The following ANKS1B variants were observed in gnomAD, a reference collection of about 807,000 sequenced individuals.
ANKS1B encodes ankyrin repeat and sterile alpha motif domain containing 1B, also known as ankyrin repeat and sterile alpha motif domain-containing protein 1B.
ANKS1B carries 36 observed loss-of-function variants against 148.3 expected under a neutral mutation model. That is an observed-to-expected ratio of 0.24 (90% confidence interval 0.19 to 0.32). ANKS1B has a LOEUF of 0.32. Among genes scored for constraint, ANKS1B ranks in the 10% least tolerant of loss-of-function variants. ANKS1B has a pLI of 1.00. For synonymous variants in ANKS1B, 542 were observed against 560.8 expected (o/e 0.97, Z 0.47); for missense variants, 1,157 against 1,542.6 (o/e 0.75, Z 4.19).
At chr12:99,400,606 T>C (rs1358070879) in intron 11 of ANKS1B, among the ~76,000 whole-genome samples, 2 of 144,932 alleles carry the variant, frequency 1.4e-5, no homozygotes, top group Admixed American at 6.9e-5. Flanking sequence ...AACATTGTCC[T>C]TCAGAAAAAC....
At chr12:98,796,050 T>C (rs1262094439) in intron 22 of ANKS1B, among the ~76,000 whole-genome samples, 2 of 152,202 alleles carry the variant, frequency 1.3e-5, no homozygotes, top group South Asian at 2.1e-4. Context: ...TATGATCCCT[T>C]AGGCTGATGG....
Position 98,751,663 on chromosome 12 carries a change from T to G in ANKS1B, c.3580-141A>C, listed in dbSNP as rs995633089. ...AGGCAGCAGCGATTCGGTGGAAATC[T>G]ACAAAGAACAGGACACTCCGGGTCC... On this transcript the variant is annotated intron_variant, in intron 25 of 26. Transcript: ENST00000683438. This position sits in a 1 kb window ranked among gnomAD's most constrained non-coding sequence, Gnocchi z 4.3. 9.2e-5 allele frequency: 75 copies of G among 810,888 alleles called. No homozygotes were observed. The highest frequency in any genetic ancestry group is 1.5e-4 in the Non-Finnish European group (72 of 495,734). 50.2% of individuals were successfully genotyped at this position (810,888 alleles called of 1,614,324 possible). A position where few individuals can be genotyped will look rare whatever the true frequency, so the allele number is the denominator to read the frequency against.
At chr12:99,812,511 CCACACACACACACACACA>C (rs10539640) in intron 2 of ANKS1B, among the ~76,000 whole-genome samples, 200 bp from the exon 3 acceptor site, 2,629 of 126,082 alleles carry the variant, frequency 0.021, 102 homozygotes, top group East Asian at 0.1. Flanking sequence ...TCACCCCATG[CCACACACACACACACACA>C]CACACACACA....
rs1227325371 is a variant in ANKS1B, at chr12:98,934,680, T to A, written c.2779-102544A>T. 3.9e-5 allele frequency among the ~76,000 whole-genome samples: 6 copies of A among 152,088 alleles called. No homozygotes were observed. In the East Asian group the frequency reaches 7.7e-4, roughly 20 times the overall value. On this transcript the variant is annotated intron_variant, in intron 17 of 26. Transcript: ENST00000683438. Reference sequence around the variant, plus strand: ...TGTAGTTTTCAGTCTGCTTTCAACTTCTTAGTTGAGTTTATTTCTAGATAT... The same window carrying A: ...TGTAGTTTTCAGTCTGCTTTCAACTACTTAGTTGAGTTTATTTCTAGATAT...
rs137881738 is a variant in ANKS1B, at chr12:98,915,597, C to T, written c.2779-83461G>A. On this transcript the variant is annotated intron_variant, in intron 17 of 26. Coordinates refer to ENST00000683438, the MANE Select transcript of ANKS1B (RefSeq NM_001352186.2). The stretch of plus-strand genomic sequence containing the variant: ...CGAACTCCTGATCTCAAGTGATCCA[C>T]CTGCCTTGGCCTCTCATAGTGCTGG... 7.5e-3 allele frequency among the ~76,000 whole-genome samples: 1,147 copies of T among 152,240 alleles called. 15 individuals carry two copies. Among genetic ancestry groups the T allele is most frequent in the African/African-American group, 0.026 (1,098 of 41,536 alleles).
At chr12:99,288,585 C>G (rs1218103915) in intron 12 of ANKS1B, among the ~76,000 whole-genome samples, 1 of 151,874 alleles carries the variant, frequency 6.6e-6, no homozygotes, top group Non-Finnish European at 1.5e-5. Flanking sequence ...AAAGATGAAC[C>G]AATCAAAAAT....
At chr12:98,776,294 C>T (rs1229405344) in intron 24 of ANKS1B, among the ~76,000 whole-genome samples, 2 of 152,176 alleles carry the variant, frequency 1.3e-5, no homozygotes, top group African/African-American at 4.8e-5. Context: ...GGCTTTTCCA[C>T]AAATTAAAAA....
At chr12:98,958,552 T>C (rs1012947058) in intron 17 of ANKS1B, among the ~76,000 whole-genome samples, 1 of 152,250 alleles carries the variant, frequency 6.6e-6, no homozygotes, top group African/African-American at 2.4e-5. Flanking sequence ...TGTGTTTGAT[T>C]ACACATATGT....
chr12:99,718,229 G>A (rs527603559), intron 8 of ANKS1B, among the ~76,000 whole-genome samples: 8 of 152,144 alleles, frequency 5.3e-5, no homozygotes, highest in African/African-American at 1.7e-4. Flanking sequence ...CTCCTTTTTA[G>A]TTATCCCCAC....
intron 10 of ANKS1B, among the ~76,000 whole-genome samples, chr12:99,457,742 A>G (rs954262309): frequency 2.0e-5 from 3 of 152,144 alleles, no homozygotes; most frequent in African/African-American, 7.2e-5. Flanking sequence ...ACCTAAATAT[A>G]CATGCACCTA....
rs114524303 is a variant in ANKS1B at position 99,178,253 on chromosome 12, T to C, written c.2420-23858A>G. 1.1e-3 allele frequency among the ~76,000 whole-genome samples: 169 copies of C among 152,324 alleles called. 1 individual carries two copies. The highest frequency in any genetic ancestry group is 3.8e-3 in the African/African-American group (160 of 41,566). On this transcript the variant is annotated intron_variant, in intron 14 of 26. Transcript: ENST00000683438. ...TTAATTCTTCCTCTTTTTAAAATCA[T>C]GATTATCCATACCCACAGGGGTGTC...
exon 10 of ANKS1B, chr12:98,735,285 T>A (rs1433282718): frequency 5.0e-6 from 2 of 399,580 alleles, no homozygotes; most frequent in Non-Finnish European, 8.8e-6. Context: ...ATATATAATT[T>A]TTTTTTACAT....
intron 9 of ANKS1B, among the ~76,000 whole-genome samples, chr12:99,637,562 C>T (rs2153413508): frequency 1.3e-5 from 2 of 152,248 alleles, no homozygotes; most frequent in Admixed American, 1.3e-4. Context: ...ATCTAATCAG[C>T]TGCCAGTGCA....
At chr12:99,974,558 C>T (rs563710078) in intron 1 of ANKS1B, among the ~76,000 whole-genome samples, 2 of 152,212 alleles carry the variant, frequency 1.3e-5, no homozygotes, top group African/African-American at 2.4e-5. Context: ...CAGTCAAATC[C>T]CTTCCCCTTC....
intron 25 of ANKS1B, among the ~76,000 whole-genome samples, chr12:98,762,199 C>A (rs1287218638): frequency 6.6e-6 from 1 of 152,174 alleles, no homozygotes; most frequent in Non-Finnish European, 1.5e-5. Context: ...GTCCCTGGAT[C>A]ACCTGCATAG....
chr12:98,757,614 C>A lies in ANKS1B; in HGVS notation c.3580-6092G>T, dbSNP rs538771550. ...TGATCACAGTGAGCACTAAGGTGTCCCATCCCATCTGCTGGCTCAAACCAC... is the reference window on the plus strand; with the variant it reads ...TGATCACAGTGAGCACTAAGGTGTCACATCCCATCTGCTGGCTCAAACCAC... On this transcript the variant is annotated intron_variant, in intron 25 of 26. Transcript: ENST00000683438. 2.0e-5 allele frequency among the ~76,000 whole-genome samples: 3 copies of A among 152,238 alleles called. No individual in the cohort carries two copies. In the South Asian group the frequency reaches 6.2e-4, roughly 32 times the overall value.
At chr12:99,177,627 T>A (rs2153837775) in intron 14 of ANKS1B, among the ~76,000 whole-genome samples, 1 of 152,344 alleles carries the variant, frequency 6.6e-6, no homozygotes, top group South Asian at 2.1e-4. Flanking sequence ...CATTAGCACA[T>A]CCCAGCAGAG....
At chr12:98,862,430 G>C (rs913182557) in intron 17 of ANKS1B, among the ~76,000 whole-genome samples, 1 of 152,066 alleles carries the variant, frequency 6.6e-6, no homozygotes, top group Admixed American at 6.6e-5. Context: ...ACAGTGACTG[G>C]AACATAGTGA....
intron 9 of ANKS1B, among the ~76,000 whole-genome samples, chr12:99,518,258 T>C (rs1335345617): frequency 6.6e-6 from 1 of 152,170 alleles, no homozygotes; most frequent in Non-Finnish European, 1.5e-5. Context: ...TCTCTCCTCC[T>C]CTACTTTTTG....
Sources: gnomAD v4.1 joint callset for allele counts (sites outside exome capture counted in the v4.1 genomes callset) on GRCh38, gnomAD v4.1.1 for gene constraint, Gnocchi (gnomAD v3.1) non-coding constraint, MANE v1.5 for transcripts, NCBI Gene and HGNC (gene_info 2026-07-23, HGNC 2026-07-21) for gene names.